Variants in ASTN1 observed in about 807,000 individuals in gnomAD.
ASTN1 encodes astrotactin 1, also known as astrotactin-1.
Under a neutral mutation model 140.7 loss-of-function variants are expected in ASTN1, and 41 were observed. The ratio of observed to expected loss-of-function variants is 0.29; its 90% confidence interval spans 0.23 to 0.38. The LOEUF (loss-of-function observed/expected upper bound fraction) is 0.38. Ranked by LOEUF, ASTN1 falls within the 10% of genes least tolerant of loss-of-function variation. ASTN1 has a pLI of 1.00. For synonymous variants in ASTN1, 640 were observed against 652.2 expected (o/e 0.98, Z 0.29); for missense variants, 1,479 against 1,678.8 (o/e 0.88, Z 2.08).
At chr1:177,116,918 G>C (rs1571807749) in intron 1 of ASTN1, among the ~76,000 whole-genome samples, 1 of 151,886 alleles carries the variant, frequency 6.6e-6, no homozygotes, top group African/African-American at 2.4e-5. Flanking sequence ...TCCTCCCCAG[G>C]GGACCCGGGC....
chr1:176,943,917 G>A lies in ASTN1; in HGVS notation c.2351C>T (p.Pro784Leu), dbSNP rs776057470. ...ENQCLEEISE[P>L]TPDPDFLTGM... Reference sequence around the variant, plus strand: ...AGTCAGGAAGTCAGGGTCAGGGGTGGGCTCCGAGATCTCCTCTAGGCATTG... The same window carrying A: ...AGTCAGGAAGTCAGGGTCAGGGGTGAGCTCCGAGATCTCCTCTAGGCATTG... The change falls in exon 14 of 23, where the codon CCC becomes CTC. Residue 784 changes from proline (P) to leucine (L), a missense_variant. By Grantham distance (98) the Pro-to-Leu change is moderately conservative (BLOSUM62 -3). Around this residue, in one of 3 missense-constraint regions of ASTN1, gnomAD observed 746 missense variants for 800.9 expected, o/e 0.93. Transcript: ENST00000361833. 1.2e-6 allele frequency: 2 copies of A among 1,611,048 alleles called. No homozygotes were observed. Among genetic ancestry groups the A allele is most frequent in the Non-Finnish European group, 1.7e-6 (2 of 1,178,022 alleles).
At chr1:177,127,853 T>G (rs1385959771) in intron 1 of ASTN1, among the ~76,000 whole-genome samples, 1 of 152,260 alleles carries the variant, frequency 6.6e-6, no homozygotes, top group Non-Finnish European at 1.5e-5. Flanking sequence ...ACGCATATGA[T>G]GCAAAACGTA....
intron 2 of ASTN1, among the ~76,000 whole-genome samples, chr1:177,040,193 C>G (rs1228766030): frequency 6.6e-6 from 1 of 152,206 alleles, no homozygotes; most frequent in African/African-American, 2.4e-5. Flanking sequence ...TATTAAGTAG[C>G]AAGTTTGATT....
chr1:176,986,498 G>C (rs1210720204), intron 8 of ASTN1, among the ~76,000 whole-genome samples: 1 of 152,142 alleles, frequency 6.6e-6, no homozygotes, highest in East Asian at 1.9e-4. Context: ...TGTTTAAAGG[G>C]AAGTAAAAGT....
At chr1:176,869,586 C>G (rs1311831643) in intron 21 of ASTN1, among the ~76,000 whole-genome samples, 3 of 152,162 alleles carry the variant, frequency 2.0e-5, no homozygotes, top group African/African-American at 7.2e-5. Flanking sequence ...GCTGGCCATG[C>G]CTTCCTGATG....
At chr1:177,154,177 C>A (rs1213300785) in intron 1 of ASTN1, among the ~76,000 whole-genome samples, 6 of 152,090 alleles carry the variant, frequency 3.9e-5, no homozygotes, top group African/African-American at 9.7e-5. Context: ...CAGGAGGCAT[C>A]CTGGATGTCC....
At position 177,149,245 on chromosome 1, in the gene ASTN1, C is replaced by G. The variant is rs547489880; in HGVS notation, c.283+15149G>C. Among the ~76,000 whole-genome samples, 207 of 73,742 alleles carry G rather than the reference C, an allele frequency of 2.8e-3. 7 individuals carry two copies. Among genetic ancestry groups the G allele is most frequent in the East Asian group, 6.1e-3 (17 of 2,800 alleles). 48.4% of individuals were successfully genotyped at this position (73,742 alleles called of 152,430 possible). ...AATATATATAGTAAATATATATATA[C>G]TATATATAGTAAATATATATATACT... On this transcript the variant is annotated intron_variant, in intron 1 of 22. Transcript: ENST00000361833.
chr1:177,062,132 C>T (rs1678127752), intron 1 of ASTN1, among the ~76,000 whole-genome samples: 1 of 152,168 alleles, frequency 6.6e-6, no homozygotes, highest in Non-Finnish European at 1.5e-5. Context: ...AGCTCTGAGA[C>T]ATAACACAGT....
In ASTN1 at chr1:176,997,894, G is replaced by T. The variant is rs1222035789; in HGVS notation, c.1523+16897C>A. Reference sequence around the variant, plus strand: ...CTTGGAGAATGAACAGAATTAACCAGGTAGGGTATTAAAGGGAAGGAACTG... The same window carrying T: ...CTTGGAGAATGAACAGAATTAACCATGTAGGGTATTAAAGGGAAGGAACTG... On this transcript the variant is annotated intron_variant, in intron 8 of 22. Coordinates refer to ENST00000361833, the MANE Select transcript of ASTN1 (RefSeq NM_004319.3). Among the ~76,000 whole-genome samples, 13 of 152,074 alleles carry T rather than the reference G, an allele frequency of 8.5e-5. 1 individual carries two copies. The highest frequency in any genetic ancestry group is 7.4e-5 in the Non-Finnish European group (5 of 68,018).
chr1:176,903,861 G>A (rs959927440), intron 16 of ASTN1, among the ~76,000 whole-genome samples: 1 of 152,122 alleles, frequency 6.6e-6, no homozygotes, highest in Non-Finnish European at 1.5e-5. Flanking sequence ...AAACTCTAGG[G>A]AAATATCCTT....
chr1:177,076,404 G>A (rs1482348517), intron 1 of ASTN1, among the ~76,000 whole-genome samples: 1 of 151,990 alleles, frequency 6.6e-6, no homozygotes, highest in East Asian at 1.9e-4. Flanking sequence ...TGTCTGTGAT[G>A]GGAAACAAAT....
chr1:177,045,438 A>G lies in ASTN1; in HGVS notation c.472-12589T>C, dbSNP rs532440954. Among the ~76,000 whole-genome samples the G allele has an allele frequency of 2.0e-5, 3 of 152,328 alleles. No individual in the cohort carries two copies. The South Asian group carries it at 6.2e-4, about 32-fold the overall frequency. ...TTACGTTCACACTATTGGTCAGTTC[A>G]GACTGAAGACCTCCATCTGAAAATC... On this transcript the variant is annotated intron_variant, in intron 2 of 22. Coordinates refer to ENST00000361833, the MANE Select transcript of ASTN1 (RefSeq NM_004319.3).
At chr1:177,134,920 G>A (rs984407449) in intron 1 of ASTN1, among the ~76,000 whole-genome samples, 1 of 152,104 alleles carries the variant, frequency 6.6e-6, no homozygotes, top group Non-Finnish European at 1.5e-5. Flanking sequence ...AAAAAGAACA[G>A]GATGCCAGGA....
intron 14 of ASTN1, among the ~76,000 whole-genome samples, chr1:176,942,188 C>G (rs1671745252): frequency 1.3e-5 from 2 of 152,086 alleles, no homozygotes; most frequent in Admixed American, 1.3e-4. Context: ...GGGTCAGGAA[C>G]TGTTCTAAAA....
intron 1 of ASTN1, among the ~76,000 whole-genome samples, chr1:177,153,862 G>A (rs769182115): frequency 2.0e-5 from 3 of 151,776 alleles, no homozygotes; most frequent in African/African-American, 7.3e-5. Flanking sequence ...AATATGAAAG[G>A]AATAACAATT....
At chr1:177,061,028 C>T (rs1678056974) in intron 2 of ASTN1, 50 bp downstream of exon 2, 2 of 1,441,538 alleles carry the variant, frequency 1.4e-6, no homozygotes. Context: ...CCCTTAATGT[C>T]AAGGTAACAT....
At chr1:176,872,847 CA>C (rs1259667663) in intron 21 of ASTN1, among the ~76,000 whole-genome samples, 14 of 152,186 alleles carry the variant, frequency 9.2e-5, no homozygotes, top group Admixed American at 9.2e-4. Flanking sequence ...CAAGCCACTC[CA>C]GTTAAAATTC....
At chr1:176,962,491 A>G (rs1443823341) in intron 9 of ASTN1, among the ~76,000 whole-genome samples, 4 of 152,224 alleles carry the variant, frequency 2.6e-5, no homozygotes, top group African/African-American at 4.8e-5. Context: ...TTAAAGTGAT[A>G]TAAGACACCA....
intron 1 of ASTN1, among the ~76,000 whole-genome samples, chr1:177,108,277 A>G (rs1446129460): frequency 1.5e-5 from 2 of 137,844 alleles, no homozygotes; most frequent in Non-Finnish European, 3.1e-5. Flanking sequence ...TGGACCCGGG[A>G]GGTGGAGGTT....
Sources: allele counts gnomAD v4.1 joint callset (sites outside exome capture counted in the v4.1 genomes callset), GRCh38; gene constraint gnomAD v4.1.1; regional missense constraint gnomAD v4.1.1; transcripts MANE v1.5; gene names NCBI Gene and HGNC (gene_info 2026-07-23, HGNC 2026-07-21).